Variants in RAD50 observed in about 807,000 individuals in gnomAD.
RAD50 encodes the protein RAD50 double strand break repair protein, also known as DNA repair protein RAD50.
A neutral mutation model predicts 168.8 loss-of-function variants in RAD50; 132 were observed. The observed-to-expected ratio is 0.78, with a 90% CI of 0.68 to 0.90. RAD50 has a LOEUF of 0.90. RAD50 is among the 40% of genes least tolerant of loss of function. The pLI, the probability that RAD50 is intolerant of heterozygous loss-of-function variation, is 0.00. For synonymous variants in RAD50, 525 were observed against 497.4 expected, an observed-to-expected ratio of 1.06 and a Z score of -0.74; for missense variants, 1,347 against 1,534.4, an observed-to-expected ratio of 0.88 and a Z score of 2.04.
Position 132,595,488 on chromosome 5 carries a change from T to C in RAD50, c.1970-85T>C, listed in dbSNP as rs1750773094. ...TTATAAAGCAAGAATAATCATATAT[T>C]TATAGAAAAAGATACAACCGTATTC... On this transcript the variant is annotated intron_variant, in intron 12 of 24. Coordinates refer to ENST00000378823, the MANE Select transcript of RAD50 (RefSeq NM_005732.4). The C allele has an allele frequency of 4.8e-6, 4 of 828,108 alleles. No homozygotes were observed. The East Asian group carries it at 1.1e-4, about 22-fold the overall frequency. 51.3% of individuals were successfully genotyped at this position (828,108 alleles called of 1,614,324 possible).
chr5:132,607,296 C>CG (rs1751001771), intron 16 of RAD50, among the ~76,000 whole-genome samples: 2 of 152,062 alleles, frequency 1.3e-5, no homozygotes, highest in African/African-American at 4.8e-5. Context: ...TTATCTATGG[C>CG]GGTCACTCTC....
intron 19 of RAD50, among the ~76,000 whole-genome samples, chr5:132,612,729 G>A (rs748872498): frequency 7.2e-5 from 11 of 152,102 alleles, no homozygotes; most frequent in Non-Finnish European, 1.6e-4. Context: ...TCAGGAGGCT[G>A]AGGTGGGAGG....
In RAD50 at chr5:132,597,107, AAATT is replaced by A. The variant is rs540845521; in HGVS notation, c.2207+1301_2207+1304del. Among the ~76,000 whole-genome samples the A allele has an allele frequency of 3.5e-4, 53 of 152,318 alleles. 2 individuals carry two copies. In the South Asian group the frequency reaches 0.01, roughly 30 times the overall value. On this transcript the variant is annotated intron_variant, in intron 13 of 24. Transcript: ENST00000378823. ...AGTTAGTGAAAGATGTATTTTAGGAAAATTAATCTAATATTAATATATTGACTGA... is the reference window on the plus strand; with the variant it reads ...AGTTAGTGAAAGATGTATTTTAGGAAAATCTAATATTAATATATTGACTGA...
At chr5:132,602,562 T>A (rs1183933932) in intron 13 of RAD50, among the ~76,000 whole-genome samples, 3 of 152,062 alleles carry the variant, frequency 2.0e-5, no homozygotes, top group East Asian at 3.8e-4. Flanking sequence ...TCCTGTAATT[T>A]AAAAAATTTT....
At chr5:132,580,454 G>T (rs1750485660) in intron 5 of RAD50, among the ~76,000 whole-genome samples, 1 of 152,132 alleles carries the variant, frequency 6.6e-6, no homozygotes, top group South Asian at 2.1e-4. Context: ...CAAATTTGTA[G>T]CATCACACTA....
chr5:132,601,676 CAT>C lies in RAD50; in HGVS notation c.2208-1621_2208-1620del, dbSNP rs1197999294. 5.9e-5 allele frequency among the ~76,000 whole-genome samples: 9 copies of C among 152,268 alleles called. No individual in the cohort carries two copies. In the South Asian group the frequency reaches 6.2e-4, roughly 11 times the overall value. On this transcript the variant is annotated intron_variant, in intron 13 of 24. Transcript: ENST00000378823. ...AAAAACTGTAGGTCTGACATGCACACATATGTTTATTGCGGCACTGTTCACGA... is the reference window on the plus strand; with the variant it reads ...AAAAACTGTAGGTCTGACATGCACACATGTTTATTGCGGCACTGTTCACGA...
rs111799791 is a variant in RAD50, at chr5:132,557,226, G to A, written c.-99G>A. On this transcript the variant is annotated 5_prime_UTR_variant, in exon 1 of 25. Coordinates refer to ENST00000378823, the MANE Select transcript of RAD50 (RefSeq NM_005732.4). The stretch of plus-strand genomic sequence containing the variant: ...TCCCCGCCCGGATCCTCCTGACCCT[G>A]AGATTCGCGGGTCTCACGTCCCGTG... 646 of 1,510,256 alleles carry A rather than the reference G, an allele frequency of 4.3e-4. 6 individuals are homozygous for A. The African/African-American group carries it at 7.1e-3, about 17-fold the overall frequency. 93.6% of individuals were successfully genotyped at this position (1,510,256 alleles called of 1,614,324 possible).
intron 21 of RAD50, among the ~76,000 whole-genome samples, chr5:132,630,002 T>C (rs753196912): frequency 6.6e-6 from 1 of 152,064 alleles, no homozygotes; most frequent in Non-Finnish European, 1.5e-5. Context: ...TGTTCTACTC[T>C]CATTTTTCCC....
chr5:132,603,041 C>T (rs968635453), intron 13 of RAD50, among the ~76,000 whole-genome samples: 4 of 152,140 alleles, frequency 2.6e-5, no homozygotes, highest in Admixed American at 2.0e-4. Context: ...CATTTCTCTC[C>T]TAAGATACTT....
At position 132,588,732 on chromosome 5, in the gene RAD50, C is replaced by G. The variant is rs1580992732; in HGVS notation, c.1097C>G (p.Ala366Gly). 6.2e-7 allele frequency: 1 copy of G among 1,613,702 alleles called. No individual in the cohort carries two copies. ...GATCGCCATCAAGAACATATCCGAG[C>G]TAGAGATTCATTAATTCAGTCTTTG... The part of the protein sequence containing the change: ...QADRHQEHIR[A>G]RDSLIQSLAT... The change falls in exon 8 of 25, where the codon GCT (alanine) becomes GGT (glycine). Residue 366 changes from alanine to glycine, a missense_variant. This residue lies in a region of RAD50 where 703 missense variants were observed against 767.7 expected (regional missense o/e 0.92). Coordinates refer to ENST00000378823, the MANE Select transcript of RAD50 (RefSeq NM_005732.4).
chr5:132,602,610 A>C (rs1750907257), intron 13 of RAD50, among the ~76,000 whole-genome samples: 1 of 152,326 alleles, frequency 6.6e-6, no homozygotes, highest in African/African-American at 2.4e-5. Context: ...AAAAATTATA[A>C]AAATAATACA....
chr5:132,588,844 A>T lies in RAD50; in HGVS notation c.1209A>T (p.Arg403Ser). 1 of 1,614,012 alleles carries T rather than the reference A, an allele frequency of 6.2e-7. No individual in the cohort carries two copies. The highest frequency in any genetic ancestry group is 8.5e-7 in the Non-Finnish European group (1 of 1,179,926). ...IKNFHKLVRE[R>S]QEGEAKTANQ... ...ATTTTCACAAACTTGTGAGAGAGAG[A>T]CAAGAAGGGGAAGCAAAAACTGCCA... is the stretch of plus-strand genomic sequence containing the variant. Residue 403 changes from arginine (R) to serine (S), a missense_variant, in exon 8 of 25, where the codon AGA (arginine) becomes AGT (serine). This residue lies in a region of RAD50 where 703 missense variants were observed against 767.7 expected (regional missense o/e 0.92). Coordinates refer to ENST00000378823, the MANE Select transcript of RAD50 (RefSeq NM_005732.4).
Position 132,579,329 on chromosome 5 carries a change from G to A in RAD50, c.378G>A (p.Lys126=). The change falls in exon 4 of 25, where the codon AAG becomes AAA. Residue 126 remains lysine (K), a synonymous_variant. Transcript: ENST00000378823. ...TCATTTTCTGTAGGCATGGTGAAAA[G>A]GTCAGTCTGAGCTCTAAGTGTGCAG... ...GVITRTKHGE[K]VSLSSKCAEI... 1 of 1,613,838 alleles carries A rather than the reference G, an allele frequency of 6.2e-7. No homozygotes were observed. Among genetic ancestry groups the A allele is most frequent in the Non-Finnish European group, 8.5e-7 (1 of 1,179,842 alleles).
At chr5:132,601,344 C>T (rs1314614269) in intron 13 of RAD50, among the ~76,000 whole-genome samples, 1 of 152,122 alleles carries the variant, frequency 6.6e-6, no homozygotes, top group African/African-American at 2.4e-5. Context: ...AAAGAAGGCA[C>T]CAAAACCTAG....
In RAD50 at chr5:132,646,313, A is replaced by G. The variant is rs1751848926; in HGVS notation, c.*3949A>G. ...TAACTGGGCATCTATCTGCACTTGA[A>G]TATCTAATAAACGTCTAAAACTTAA... On this transcript the variant is annotated 3_prime_UTR_variant, in exon 25 of 25. Transcript: ENST00000378823. The G allele has an allele frequency of 6.6e-6, 1 of 152,236 alleles. No individual in the cohort carries two copies. Among genetic ancestry groups the G allele is most frequent in the Non-Finnish European group, 1.5e-5 (1 of 68,042 alleles). The allele number at this position is 152,236 out of a possible 1,614,324, so 9.4% of individuals were successfully genotyped here. A position where few individuals can be genotyped will look rare whatever the true frequency, so the allele number is the denominator to read the frequency against.
rs145138013 is a variant in RAD50 at position 132,632,886 on chromosome 5, A to T, written c.3390-4229A>T. On this transcript the variant is annotated intron_variant, in intron 21 of 24. Transcript: ENST00000378823. ...CACTTTAATTTACATTTCCCTCTTT[A>T]CTAGTGAAGTTAAATGTCTTTTTGT... Among the ~76,000 whole-genome samples, 840 of 152,126 alleles carry T rather than the reference A, an allele frequency of 5.5e-3. 9 individuals are homozygous for T. Among genetic ancestry groups the T allele is most frequent in the African/African-American group, 0.019 (792 of 41,494 alleles).
chr5:132,592,860 G>A (rs1292214017), intron 11 of RAD50: 1 of 470,944 alleles, frequency 2.1e-6, no homozygotes, highest in Non-Finnish European at 4.4e-6. Flanking sequence ...AAGTTCTGCT[G>A]TTGTCTGCAG....
At position 132,603,464 on chromosome 5, in the gene RAD50, A is replaced by T; in HGVS notation, c.2372A>T (p.Asp791Val). 6.2e-7 allele frequency: 1 copy of T among 1,613,940 alleles called. No homozygotes were observed. The highest frequency in any genetic ancestry group is 8.5e-7 in the Non-Finnish European group (1 of 1,179,882). ...GAAAGTGCCAAAGTATGCCTGACAGATGTTACAATTATGGAGAGGTTCCAG... is the reference window on the plus strand; with the variant it reads ...GAAAGTGCCAAAGTATGCCTGACAGTTGTTACAATTATGGAGAGGTTCCAG... ...EEESAKVCLT[D>V]VTIMERFQME... Residue 791 changes from aspartate to valine, a missense_variant, in exon 14 of 25, where the codon GAT becomes GTT. Coordinates refer to ENST00000378823, the MANE Select transcript of RAD50 (RefSeq NM_005732.4).
chr5:132,606,554 G>C (rs1454680858), intron 16 of RAD50, among the ~76,000 whole-genome samples: 3 of 152,168 alleles, frequency 2.0e-5, no homozygotes, highest in African/African-American at 4.8e-5. Context: ...AGAGGAGCTG[G>C]TACCATTCCT....
Sources: allele counts gnomAD v4.1 joint callset (sites outside exome capture counted in the v4.1 genomes callset), GRCh38; gene constraint gnomAD v4.1.1; regional missense constraint gnomAD v4.1.1; transcripts MANE v1.5; gene names NCBI Gene and HGNC (gene_info 2026-07-23, HGNC 2026-07-21).